The following SGCZ variants were observed in gnomAD, a reference collection of about 807,000 sequenced individuals.
SGCZ encodes sarcoglycan zeta, also known as zeta-sarcoglycan.
A neutral mutation model predicts 41.3 loss-of-function variants in SGCZ; 40 were observed. The observed-to-expected ratio is 0.97, with a 90% confidence interval of 0.75 to 1.26. The LOEUF (loss-of-function observed/expected upper bound fraction) is 1.26, where lower values mean the gene tolerates loss of function less well. Among genes scored for constraint, SGCZ ranks in the 50% most tolerant of loss-of-function variants. The pLI, the probability that SGCZ is intolerant of heterozygous loss-of-function variation, is 0.00. For synonymous variants in SGCZ, 206 were observed against 137.5 expected (o/e 1.50, Z -3.49); for missense variants, 552 against 369.8 (o/e 1.49, Z -4.04).
chr8:14,521,989 G>GT (rs906061617), intron 2 of SGCZ, among the ~76,000 whole-genome samples: 8 of 151,934 alleles, frequency 5.3e-5, no homozygotes, highest in African/African-American at 1.9e-4. Context: ...ATTTTAAAAT[G>GT]TTTTTTTCTA....
chr8:14,692,246 T>C (rs897309282), intron 1 of SGCZ, among the ~76,000 whole-genome samples: 2 of 152,014 alleles, frequency 1.3e-5, no homozygotes. Flanking sequence ...TAATGATATA[T>C]CTTAGAATAA....
intron 6 of SGCZ, among the ~76,000 whole-genome samples, chr8:14,104,266 G>A (rs1200032980): frequency 1.3e-5 from 2 of 152,122 alleles, no homozygotes; most frequent in African/African-American, 2.4e-5. Context: ...AAATATAGCA[G>A]TAAGTTTCAG....
intron 2 of SGCZ, among the ~76,000 whole-genome samples, chr8:14,525,351 G>A (rs1585631573): frequency 6.6e-6 from 1 of 152,054 alleles, no homozygotes; most frequent in Admixed American, 6.6e-5. Context: ...TAAAAATAAT[G>A]TTTTGTTCTG....
chr8:14,153,733 G>C (rs939562821), intron 5 of SGCZ, among the ~76,000 whole-genome samples: 11 of 152,076 alleles, frequency 7.2e-5, no homozygotes, highest in African/African-American at 1.9e-4. Flanking sequence ...TAGAATCTCA[G>C]AGATCTAGCA....
chr8:14,415,231 T>C (rs1300672127), intron 2 of SGCZ, among the ~76,000 whole-genome samples: 2 of 151,888 alleles, frequency 1.3e-5, no homozygotes, highest in African/African-American at 4.8e-5. Flanking sequence ...TAAATACATG[T>C]TTTCAATCAT....
At chr8:14,178,627 C>A (rs1031227881) in intron 4 of SGCZ, among the ~76,000 whole-genome samples, 1 of 152,174 alleles carries the variant, frequency 6.6e-6, no homozygotes, top group Admixed American at 6.5e-5. Context: ...TTCTGAATCA[C>A]CAGCAAAGAT....
intron 1 of SGCZ, among the ~76,000 whole-genome samples, chr8:15,005,647 TC>T (rs66675885): frequency 0.16 from 23,559 of 150,134 alleles, 2,029 homozygotes; most frequent in Admixed American, 0.24. Flanking sequence ...CCATTTTTTT[TC>T]TTTTACCAGA....
chr8:14,521,671 C>A (rs1436275325), intron 2 of SGCZ, among the ~76,000 whole-genome samples: 2 of 152,048 alleles, frequency 1.3e-5, no homozygotes, highest in Non-Finnish European at 2.9e-5. Flanking sequence ...TGTAGAATAA[C>A]TGAGTCATGT....
chr8:14,303,666 G>A (rs546500055), intron 3 of SGCZ, among the ~76,000 whole-genome samples: 1 of 152,202 alleles, frequency 6.6e-6, no homozygotes, highest in African/African-American at 2.4e-5. Flanking sequence ...AAACACCAGT[G>A]TCTTCTTGGT....
In SGCZ at chr8:14,769,805, A is replaced by C. The variant is rs1217714936; in HGVS notation, c.40-214879T>G. Reference sequence around the variant, plus strand: ...AGCAAAACACCATTAAAAAAAAAAAAAAAAAAAAAACCCAGCAACAAAATA... The same window carrying C: ...AGCAAAACACCATTAAAAAAAAAAACAAAAAAAAAACCCAGCAACAAAATA... On this transcript the variant is annotated intron_variant, in intron 1 of 7. Coordinates refer to ENST00000382080, the MANE Select transcript of SGCZ (RefSeq NM_139167.4). Among the ~76,000 whole-genome samples, 8 of 150,022 alleles carry C rather than the reference A, an allele frequency of 5.3e-5. 1 individual carries two copies. Among genetic ancestry groups the C allele is most frequent in the East Asian group, 2.0e-4 (1 of 5,122 alleles).
intron 2 of SGCZ, among the ~76,000 whole-genome samples, chr8:14,341,420 C>T (rs770969998): frequency 6.6e-6 from 1 of 152,170 alleles, no homozygotes; most frequent in Non-Finnish European, 1.5e-5. Context: ...TCCTCCACAT[C>T]ATCACTAACA....
intron 3 of SGCZ, among the ~76,000 whole-genome samples, chr8:14,301,003 T>C (rs1199740428): frequency 6.6e-6 from 1 of 151,892 alleles, no homozygotes; most frequent in Non-Finnish European, 1.5e-5. Flanking sequence ...CTCGTATATA[T>C]GAGTAAGATT....
intron 2 of SGCZ, among the ~76,000 whole-genome samples, chr8:14,444,658 G>T (rs1442447873): frequency 7.7e-6 from 1 of 129,142 alleles, no homozygotes; most frequent in African/African-American, 2.9e-5. Context: ...TATGGGGACT[G>T]TTGTGGGGTG....
chr8:14,229,133 A>C (rs1806473913), intron 4 of SGCZ, among the ~76,000 whole-genome samples: 1 of 152,142 alleles, frequency 6.6e-6, no homozygotes, highest in African/African-American at 2.4e-5. Flanking sequence ...AAATCTCTAG[A>C]ATTCCCTGAT....
intron 1 of SGCZ, among the ~76,000 whole-genome samples, chr8:15,063,392 T>C (rs1291188697): frequency 1.3e-5 from 2 of 152,248 alleles, no homozygotes; most frequent in East Asian, 1.9e-4. Flanking sequence ...TACATGACCA[T>C]TTCTTACATG....
chr8:15,140,143 C>T (rs1197142909), intron 1 of SGCZ, among the ~76,000 whole-genome samples: 1 of 152,078 alleles, frequency 6.6e-6, no homozygotes, highest in Non-Finnish European at 1.5e-5. Context: ...CTATCTTAGC[C>T]TCCTGAGTAG....
chr8:14,136,075 T>C (rs1338856479), intron 5 of SGCZ, among the ~76,000 whole-genome samples: 1 of 151,926 alleles, frequency 6.6e-6, no homozygotes, highest in Non-Finnish European at 1.5e-5. Context: ...AGAGAAATCC[T>C]CAACAAACTA....
intron 2 of SGCZ, among the ~76,000 whole-genome samples, chr8:14,356,132 G>C (rs989459051): frequency 6.6e-6 from 1 of 152,170 alleles, no homozygotes; most frequent in South Asian, 2.1e-4. Flanking sequence ...GTACTGTATT[G>C]CAAGATTTTG....
At chr8:14,462,255 G>GA (rs1585547459) in intron 2 of SGCZ, among the ~76,000 whole-genome samples, 2 of 151,064 alleles carry the variant, frequency 1.3e-5, no homozygotes, top group South Asian at 2.1e-4. Flanking sequence ...ATACTAAATG[G>GA]AAAAAACATA....
Sources: gnomAD v4.1 joint callset for allele counts (sites outside exome capture counted in the v4.1 genomes callset) on GRCh38, gnomAD v4.1.1 for gene constraint, MANE v1.5 for transcripts, NCBI Gene and HGNC (gene_info 2026-07-23, HGNC 2026-07-21) for gene names.